The following NPM1 variants were observed in gnomAD, a reference collection of about 807,000 sequenced individuals.
The protein encoded by NPM1 is nucleophosmin.
A neutral mutation model predicts 44.1 loss-of-function variants in NPM1; 1 was observed. The ratio of observed to expected loss-of-function variants is 0.02; its 90% CI spans 0.01 to 0.11. The LOEUF (loss-of-function observed/expected upper bound fraction) is 0.11. NPM1 is among the 10% of genes least tolerant of loss of function. NPM1 has a pLI of 1.00. For synonymous variants in NPM1, 126 were observed against 111.8 expected (o/e 1.13, Z -0.80); for missense variants, 197 against 347.8 (o/e 0.57, Z 3.45).
intron 7 of NPM1, among the ~76,000 whole-genome samples, 177 bp downstream of exon 7, chr5:171,400,387 A>G (rs1260857898): frequency 1.3e-5 from 2 of 151,734 alleles, no homozygotes; most frequent in Non-Finnish European, 2.9e-5. Context: ...TGTTTTCTTT[A>G]TCCATGTGGC....
intron 2 of NPM1, 28 bp downstream of exon 2, chr5:171,390,158 T>C (rs1770497568): frequency 7.8e-7 from 1 of 1,273,964 alleles, no homozygotes; most frequent in Middle Eastern, 1.9e-4. Context: ...ATAAACTACT[T>C]AACCCTACTT....
At chr5:171,393,076 AC>A in intron 6 of NPM1, 98 bp downstream of exon 6, 1 of 1,446,358 alleles carries the variant, frequency 6.9e-7, no homozygotes, top group Non-Finnish European at 9.3e-7. Flanking sequence ...AAAGTCATTT[AC>A]AAAAAGCCAT....
Position 171,400,220 on chromosome 5 carries a change from T to C in NPM1, c.582+10T>C, listed in dbSNP as rs768866141. 3.7e-6 allele frequency: 6 copies of C among 1,613,730 alleles called. No homozygotes were observed. The Admixed American group carries it at 5.0e-5, about 13-fold the overall frequency. The stretch of plus-strand genomic sequence containing the variant: ...AGCGCCAGTGAAGAAAGTGAGTAGA[T>C]ACAATGCTACAAGGTTGTTAAACTA... On this transcript the variant is annotated intron_variant, in intron 7 of 10. Transcript: ENST00000296930.
chr5:171,391,960 G>GGT (rs74622268), intron 4 of NPM1, among the ~76,000 whole-genome samples, 161 bp downstream of exon 4: 44,952 of 149,962 alleles, frequency 0.3, 7,314 homozygotes, highest in East Asian at 0.44. Context: ...TTTGGGGCGG[G>GGT]GGGGAGAGGA....
chr5:171,400,021 A>C lies in NPM1; in HGVS notation c.525-132A>C, dbSNP rs139825608. ...GTCATTTAACACTTGGGTTGCTTTC[A>C]CCTCTTGGCTGTTGTGAACAATGCT... On this transcript the variant is annotated intron_variant, in intron 6 of 10. Transcript: ENST00000296930. 1.8e-4 allele frequency: 112 copies of C among 633,572 alleles called. No individual in the cohort carries two copies. The African/African-American group carries it at 1.9e-3, about 11-fold the overall frequency. The allele number at this position is 633,572 out of a possible 1,614,324, so 39.2% of individuals were successfully genotyped here. A position where few individuals can be genotyped will look rare whatever the true frequency, so the allele number is the denominator to read the frequency against.
At chr5:171,400,300 G>A in intron 7 of NPM1, 90 bp downstream of exon 7, 1 of 829,706 alleles carries the variant, frequency 1.2e-6, no homozygotes, top group Non-Finnish European at 1.6e-6. Flanking sequence ...GTTAAGGGAA[G>A]CTGGTGTGGG....
intron 5 of NPM1, 23 bp downstream of exon 5, chr5:171,392,839 A>G: frequency 4.3e-6 from 7 of 1,613,246 alleles, no homozygotes; most frequent in Non-Finnish European, 5.9e-6. Context: ...ATTTTATTAT[A>G]GGTTTTGTAT....
chr5:171,390,793 G>A (rs1490623669), intron 2 of NPM1, among the ~76,000 whole-genome samples: 1 of 151,470 alleles, frequency 6.6e-6, no homozygotes, highest in African/African-American at 2.4e-5. Flanking sequence ...GTGTAATCTC[G>A]GCTCACTGCA....
At chr5:171,392,192 T>C (rs1770610854) in intron 4 of NPM1, among the ~76,000 whole-genome samples, 1 of 152,182 alleles carries the variant, frequency 6.6e-6, no homozygotes, top group Non-Finnish European at 1.5e-5. Context: ...CTGCACGCCC[T>C]GGCCTCTCAA....
chr5:171,389,143 G>A (rs1770438326), intron 1 of NPM1, among the ~76,000 whole-genome samples: 1 of 152,188 alleles, frequency 6.6e-6, no homozygotes, highest in Non-Finnish European at 1.5e-5. Context: ...TCCCACTTGG[G>A]TTTTTGATCT....
At position 171,387,976 on chromosome 5, in the gene NPM1, A is replaced by G. The variant is rs1235542368; in HGVS notation, c.28A>G (p.Ser10Gly). Reference sequence around the variant, plus strand: ...GGAAGATTCGATGGACATGGACATGAGCCCCCTGAGGCCCCAGAACTATCT... The same window carrying G: ...GGAAGATTCGATGGACATGGACATGGGCCCCCTGAGGCCCCAGAACTATCT... Reference protein sequence around the residue: MEDSMDMDMSPLRPQNYLFG... With the variant: MEDSMDMDMGPLRPQNYLFG... Residue 10 changes from serine to glycine, a missense_variant, in exon 1 of 11, where the codon AGC becomes GGC. Ser to Gly is a moderately conservative substitution (Grantham distance 56). Coordinates refer to ENST00000296930, the MANE Select transcript of NPM1 (RefSeq NM_002520.7). 9 of 1,562,952 alleles carry G rather than the reference A, an allele frequency of 5.8e-6. No homozygotes were observed. The highest frequency in any genetic ancestry group is 1.7e-5 in the Admixed American group (1 of 58,336).
chr5:171,392,899 C>A lies in NPM1; in HGVS notation c.460-15C>A, dbSNP rs770544413. On this transcript the variant is annotated splice_polypyrimidine_tract_variant and intron_variant, in intron 5 of 10. Transcript: ENST00000296930. ...ACAGCTCTTGTTCATGAGTACGTAT[C>A]TTTTCTTTTAAAAGAAAAAAGTAAA... 1 of 1,611,940 alleles carries A rather than the reference C, an allele frequency of 6.2e-7. No individual in the cohort carries two copies. The highest frequency in any genetic ancestry group is 8.5e-7 in the Non-Finnish European group (1 of 1,178,226).
rs747086342 is a variant in NPM1, at chr5:171,387,984, G to A, written c.36G>A (p.Leu12=). The A allele has an allele frequency of 1.2e-6, 2 of 1,612,610 alleles. No individual in the cohort carries two copies. Among genetic ancestry groups the A allele is most frequent in the South Asian group, 2.2e-5 (2 of 91,030 alleles). The change falls in exon 1 of 11, where the codon CTG becomes CTA. Residue 12 remains leucine, a synonymous_variant. Transcript: ENST00000296930. ...CGATGGACATGGACATGAGCCCCCT[G>A]AGGCCCCAGAACTATCTTTTCGGTA... ...EDSMDMDMSP[L]RPQNYLFGCE...
intron 2 of NPM1, 126 bp from the exon 3 acceptor site, chr5:171,391,179 T>C (rs1770557840): frequency 1.0e-5 from 11 of 1,093,330 alleles, no homozygotes; most frequent in Non-Finnish European, 1.4e-5. Context: ...TGAAATTGTC[T>C]AACAACACAT....
chr5:171,395,377 G>A (rs1350910227), intron 6 of NPM1, among the ~76,000 whole-genome samples: 1 of 151,736 alleles, frequency 6.6e-6, no homozygotes, highest in Non-Finnish European at 1.5e-5. Context: ...TCTGCTCGCT[G>A]CAACCTCTGC....
intron 6 of NPM1, among the ~76,000 whole-genome samples, chr5:171,398,805 T>G (rs1031945007): frequency 3.3e-5 from 5 of 152,236 alleles, no homozygotes; most frequent in Admixed American, 6.5e-5. Flanking sequence ...TGGACTGTTC[T>G]GTTGATGTGT....
Position 171,390,032 on chromosome 5 carries a change from C to T in NPM1, c.59-19C>T, listed in dbSNP as rs763379832. ...GTTATTTTTCTCCTTGTTAGAGTTG[C>T]TTTTTTCTTCATTTACAGGTTGTGA... On this transcript the variant is annotated intron_variant, in intron 1 of 10. Coordinates refer to ENST00000296930, the MANE Select transcript of NPM1 (RefSeq NM_002520.7). 71 of 1,513,858 alleles carry T rather than the reference C, an allele frequency of 4.7e-5. No homozygotes were observed. Among genetic ancestry groups the T allele is most frequent in the Non-Finnish European group, 6.2e-5 (69 of 1,109,680 alleles). 93.8% of individuals were successfully genotyped at this position (1,513,858 alleles called of 1,614,324 possible). A position where few individuals can be genotyped will look rare whatever the true frequency, so the allele number is the denominator to read the frequency against.
chr5:171,388,839 G>T (rs186513868), intron 1 of NPM1, among the ~76,000 whole-genome samples: 2 of 152,314 alleles, frequency 1.3e-5, no homozygotes, highest in Admixed American at 1.3e-4. Context: ...GGATACTGGT[G>T]CCCAGAGATA....
At position 171,392,894 on chromosome 5, in the gene NPM1, C is replaced by T. The variant is rs755854685; in HGVS notation, c.460-20C>T. 12 of 1,611,520 alleles carry T rather than the reference C, an allele frequency of 7.4e-6. No homozygotes were observed. Among genetic ancestry groups the T allele is most frequent in the Admixed American group, 6.7e-5 (4 of 59,960 alleles). On this transcript the variant is annotated intron_variant, in intron 5 of 10. Transcript: ENST00000296930. ...ATAGAACAGCTCTTGTTCATGAGTA[C>T]GTATCTTTTCTTTTAAAAGAAAAAA...
Sources: allele counts gnomAD v4.1 joint callset (sites outside exome capture counted in the v4.1 genomes callset), GRCh38; gene constraint gnomAD v4.1.1; transcripts MANE v1.5; gene names NCBI Gene and HGNC (gene_info 2026-07-23, HGNC 2026-07-21).